PDE1A: variants seen among roughly 807,000 people sequenced by gnomAD.
The protein encoded by PDE1A is phosphodiesterase 1A, also known as dual specificity calcium/calmodulin-dependent 3',5'-cyclic nucleotide phosphodiesterase 1A.
A neutral mutation model predicts 61.7 loss-of-function variants in PDE1A; 35 were observed. The ratio of observed to expected loss-of-function variants is 0.57; its 90% CI spans 0.43 to 0.75. The LOEUF is 0.75. Among genes scored for constraint, PDE1A ranks in the 30% least tolerant of loss-of-function variants. PDE1A has a pLI of 0.00. For missense variants in PDE1A, 597 were observed against 630.6 expected (o/e 0.95, Z 0.57); for synonymous variants, 232 against 213.2 (o/e 1.09, Z -0.77).
intron 2 of PDE1A, among the ~76,000 whole-genome samples, chr2:182,478,942 A>C (rs544871363): frequency 4.9e-4 from 75 of 152,004 alleles, no homozygotes; most frequent in Non-Finnish European, 8.2e-4. Context: ...CAAAACTAAA[A>C]TTATAATGGC....
intron 2 of PDE1A, among the ~76,000 whole-genome samples, chr2:182,246,405 C>CT (rs869291397): frequency 1.1e-4 from 9 of 78,860 alleles, no homozygotes; most frequent in African/African-American, 2.2e-4. Flanking sequence ...TTTTTTCTTT[C>CT]TTTTTTTTTT....
intron 1 of PDE1A, among the ~76,000 whole-genome samples, chr2:182,304,089 CA>C (rs1302037328): frequency 6.6e-6 from 1 of 152,036 alleles, no homozygotes; most frequent in Admixed American, 6.6e-5. Flanking sequence ...TTAGTAGAGA[CA>C]CGGTTTCACC....
chr2:182,680,010 A>T, the PDE1A span, among the ~76,000 whole-genome samples: 1 of 152,216 alleles, frequency 6.6e-6, no homozygotes, highest in Middle Eastern at 3.2e-3. Context: ...AGACCGTGAA[A>T]CAAAATTGAA....
intron 2 of PDE1A, among the ~76,000 whole-genome samples, chr2:182,432,085 T>C (rs1703978860): frequency 6.6e-6 from 1 of 152,076 alleles, no homozygotes; most frequent in Admixed American, 6.6e-5. Flanking sequence ...AGAACATATA[T>C]TTAAACCCCA....
At chr2:182,495,918 T>C (rs1204833617) in intron 2 of PDE1A, among the ~76,000 whole-genome samples, 1 of 152,232 alleles carries the variant, frequency 6.6e-6, no homozygotes, top group Non-Finnish European at 1.5e-5. Context: ...CAATGCACTG[T>C]TCTTCAAAAT....
chr2:182,345,622 C>G (rs2125067595), intron 1 of PDE1A, among the ~76,000 whole-genome samples: 1 of 152,256 alleles, frequency 6.6e-6, no homozygotes, highest in African/African-American at 2.4e-5. Context: ...TACCCTGGCT[C>G]CCCTGCTATT....
chr2:182,559,241 C>G, the PDE1A span, among the ~76,000 whole-genome samples: 1 of 151,992 alleles, frequency 6.6e-6, no homozygotes, highest in South Asian at 2.1e-4. Flanking sequence ...GAAGTAAAGG[C>G]TGCAGATCTG....
intron 13 of PDE1A, among the ~76,000 whole-genome samples, chr2:182,179,409 T>A (rs1049927693): frequency 1.3e-5 from 2 of 152,154 alleles, no homozygotes; most frequent in Non-Finnish European, 2.9e-5. Context: ...CACAGTTCCA[T>A]TTATATTGTT....
chr2:182,539,296 C>T, the PDE1A span, among the ~76,000 whole-genome samples: 6 of 152,206 alleles, frequency 3.9e-5, no homozygotes, highest in African/African-American at 1.4e-4. Context: ...AAGAGGCTCT[C>T]GAGCCATCAC....
intron 1 of PDE1A, among the ~76,000 whole-genome samples, chr2:182,334,005 A>G (rs574202945): frequency 3.9e-5 from 6 of 152,320 alleles, no homozygotes; most frequent in Non-Finnish European, 7.3e-5. Flanking sequence ...TCCTGGACAC[A>G]TACACTATCC....
intron 2 of PDE1A, among the ~76,000 whole-genome samples, chr2:182,441,778 T>C (rs1684811807): frequency 6.6e-6 from 1 of 152,000 alleles, no homozygotes; most frequent in Admixed American, 6.6e-5. Context: ...CAAAAGAACA[T>C]ACAAATGAGC....
At chr2:182,486,445 T>C (rs1272322911) in intron 2 of PDE1A, among the ~76,000 whole-genome samples, 1 of 152,072 alleles carries the variant, frequency 6.6e-6, no homozygotes, top group African/African-American at 2.4e-5. Flanking sequence ...GTTGGAAATA[T>C]GCTTCTAAAC....
At chr2:182,706,755 C>A in the PDE1A span, among the ~76,000 whole-genome samples, 2 of 152,092 alleles carry the variant, frequency 1.3e-5, no homozygotes, top group Non-Finnish European at 2.9e-5. Context: ...TAGAAATGTG[C>A]GAAAGCCTGG....
chr2:182,630,164 T>C, the PDE1A span, among the ~76,000 whole-genome samples: 1 of 152,218 alleles, frequency 6.6e-6, no homozygotes, highest in African/African-American at 2.4e-5. Flanking sequence ...TCTATTCACT[T>C]TTTTAAATGG....
chr2:182,369,125 G>A (rs1292125665), intron 1 of PDE1A, among the ~76,000 whole-genome samples: 1 of 151,778 alleles, frequency 6.6e-6, no homozygotes, highest in African/African-American at 2.4e-5. Context: ...AATTTGATCT[G>A]TCTCAGCAAG....
intron 1 of PDE1A, among the ~76,000 whole-genome samples, chr2:182,395,841 C>A (rs1701673871): frequency 6.6e-6 from 1 of 152,186 alleles, no homozygotes; most frequent in African/African-American, 2.4e-5. Context: ...AACTACTCTC[C>A]TTTTGAGAGA....
chr2:182,243,040 G>A (rs1690678011), intron 2 of PDE1A, among the ~76,000 whole-genome samples: 1 of 151,660 alleles, frequency 6.6e-6, no homozygotes, highest in African/African-American at 2.4e-5. Context: ...AAATAAAATA[G>A]AATATAAAGA....
In PDE1A at chr2:182,218,335, G is replaced by T. The variant is rs112564016; in HGVS notation, c.776+5529C>A. Among the ~76,000 whole-genome samples, 1,075 of 150,112 alleles carry T rather than the reference G, an allele frequency of 7.2e-3. 11 individuals are homozygous for T. Among genetic ancestry groups the T allele is most frequent in the African/African-American group, 0.024 (979 of 40,708 alleles). ...CCTAATGCTAGATGACGAGTTAGTG[G>T]GTGCAGTGCACCAGCATGGCACATG... On this transcript the variant is annotated intron_variant, in intron 7 of 13. Coordinates refer to ENST00000351439, the Ensembl canonical transcript of PDE1A.
chr2:182,619,834 C>T, the PDE1A span, among the ~76,000 whole-genome samples: 1 of 152,062 alleles, frequency 6.6e-6, no homozygotes, highest in Non-Finnish European at 1.5e-5. Flanking sequence ...ACTGGAAAGT[C>T]CTAGGGCATG....
Sources: allele counts gnomAD v4.1 joint callset (sites outside exome capture counted in the v4.1 genomes callset), GRCh38; gene constraint gnomAD v4.1.1; transcripts MANE v1.5; gene names NCBI Gene and HGNC (gene_info 2026-07-23, HGNC 2026-07-21).